The following DOCK3 variants were observed in gnomAD, a reference collection of about 807,000 sequenced individuals.
DOCK3 encodes the protein dedicator of cytokinesis protein 3.
DOCK3 carries 60 observed loss-of-function variants against 265.6 expected under a neutral mutation model. The ratio of observed to expected loss-of-function variants is 0.23; its 90% CI spans 0.18 to 0.28. The LOEUF (loss-of-function observed/expected upper bound fraction) is 0.28, where lower values mean the gene tolerates loss of function less well. Ranked by LOEUF, DOCK3 falls within the 10% of genes least tolerant of loss-of-function variation. DOCK3 has a pLI of 1.00. For missense variants in DOCK3, 1,981 were observed against 2,594.3 expected, an observed-to-expected ratio of 0.76 and a Z score of 5.14; for synonymous variants, 881 against 938.0, an observed-to-expected ratio of 0.94 and a Z score of 1.11.
At position 51,315,041 on chromosome 3, in the gene DOCK3, C is replaced by T; in HGVS notation, c.3315C>T (p.Val1105=). 6.2e-7 allele frequency: 1 copy of T among 1,612,810 alleles called. No homozygotes were observed. Among genetic ancestry groups the T allele is most frequent in the Non-Finnish European group, 8.5e-7 (1 of 1,179,238 alleles). ...GTCCTTTTCTGGGTGTGACACTGGT[C>T]CCACAGCCAGAAGTACGGAATATCA... is the stretch of plus-strand genomic sequence containing the variant. ...MIGPFLGVTL[V]PQPEVRNIMI... Residue 1105 remains valine, a synonymous_variant, in exon 32 of 53, where the codon GTC becomes GTT. Transcript: ENST00000266037.
At chr3:50,958,695 G>T (rs896373789) in intron 5 of DOCK3, among the ~76,000 whole-genome samples, 1 of 152,146 alleles carries the variant, frequency 6.6e-6, no homozygotes, top group East Asian at 1.9e-4. Flanking sequence ...TACATTACAA[G>T]GTTGCTCCAC....
At chr3:50,876,867 A>G (rs1446989133) in intron 3 of DOCK3, 1 of 153,200 alleles carries the variant, frequency 6.5e-6, no homozygotes, top group African/African-American at 2.4e-5. Context: ...TGTCCAACTC[A>G]TGGGCCATAT....
chr3:50,714,105 C>T (rs181025902), intron 1 of DOCK3, among the ~76,000 whole-genome samples: 7 of 152,170 alleles, frequency 4.6e-5, no homozygotes, highest in Admixed American at 4.6e-4. Flanking sequence ...TGTGATTCCT[C>T]CTGCCCCAGC....
Position 51,146,615 on chromosome 3 carries a change from G to A in DOCK3, c.813G>A (p.Met271Ile). 6.3e-7 allele frequency: 1 copy of A among 1,591,124 alleles called. No individual in the cohort carries two copies. The highest frequency in any genetic ancestry group is 8.6e-7 in the Non-Finnish European group (1 of 1,168,016). Residue 271 changes from methionine to isoleucine, a missense_variant, in exon 10 of 53, where the codon ATG (methionine) becomes ATA (isoleucine). By Grantham distance (10) the Met-to-Ile change is conservative. This residue lies in a region of DOCK3 where 456 missense variants were observed against 539.0 expected (regional missense o/e 0.85). Coordinates refer to ENST00000266037, the MANE Select transcript of DOCK3 (RefSeq NM_004947.5). ...GPRNPEKIER[M>I]CALFTDLSSK... ...GGAACCCAGAGAAGATAGAACGAAT[G>A]TGTGCCCTTTTTACAGTATGTACGA...
chr3:51,189,982 G>A (rs548159017), intron 12 of DOCK3, among the ~76,000 whole-genome samples: 7 of 152,264 alleles, frequency 4.6e-5, no homozygotes, highest in East Asian at 1.9e-4. Context: ...GGTGATGAGG[G>A]GGAAAAGATA....
intron 2 of DOCK3, among the ~76,000 whole-genome samples, chr3:50,840,834 T>C (rs1252206668): frequency 6.6e-6 from 1 of 152,264 alleles, no homozygotes. Context: ...GGAGCAAGGC[T>C]CATCTCTTTT....
At chr3:51,357,699 GC>G in intron 44 of DOCK3, 58 bp from the exon 45 acceptor site, 1 of 1,574,982 alleles carries the variant, frequency 6.3e-7, no homozygotes, top group Non-Finnish European at 8.7e-7. Flanking sequence ...AGTCTCCTGG[GC>G]CCCACTTAAG....
At chr3:51,265,157 A>C (rs1353520617) in intron 23 of DOCK3, among the ~76,000 whole-genome samples, 1 of 152,254 alleles carries the variant, frequency 6.6e-6, no homozygotes, top group East Asian at 1.9e-4. Context: ...ACCAGGAAGA[A>C]GTTGAACCCC....
At chr3:51,360,428 A>C in intron 46 of DOCK3, 83 bp from the exon 47 acceptor site, 1 of 1,495,340 alleles carries the variant, frequency 6.7e-7, no homozygotes, top group South Asian at 1.3e-5. Flanking sequence ...TACATTTTTG[A>C]TCACCAGTCA....
At chr3:51,356,549 C>G (rs1195639832) in intron 43 of DOCK3, 56 bp downstream of exon 43, 2 of 1,554,870 alleles carry the variant, frequency 1.3e-6, no homozygotes, top group Non-Finnish European at 1.8e-6. Flanking sequence ...AGCCCCAGCT[C>G]TGGGGGCCCT....
At chr3:51,095,898 A>C (rs970699603) in intron 9 of DOCK3, among the ~76,000 whole-genome samples, 2 of 74,140 alleles carry the variant, frequency 2.7e-5, no homozygotes, top group African/African-American at 5.3e-5. Flanking sequence ...ATTGGCCCCC[A>C]TGCTCTCTGG....
At chr3:51,249,750 G>C (rs1409945889) in intron 22 of DOCK3, among the ~76,000 whole-genome samples, 4 of 140,274 alleles carry the variant, frequency 2.9e-5, no homozygotes, top group African/African-American at 8.1e-5. Context: ...CCCTCTGCCC[G>C]GCCACCACCC....
chr3:50,722,022 A>G (rs1223339461), intron 1 of DOCK3, among the ~76,000 whole-genome samples: 1 of 152,196 alleles, frequency 6.6e-6, no homozygotes, highest in African/African-American at 2.4e-5. Context: ...TGCCAAAAGA[A>G]AGAGGACAGG....
chr3:51,301,973 G>A (rs2082383778), intron 27 of DOCK3, among the ~76,000 whole-genome samples: 1 of 152,138 alleles, frequency 6.6e-6, no homozygotes. Context: ...TTCAAATCCT[G>A]TGAATATCCT....
At chr3:50,796,209 T>G (rs565655321) in intron 2 of DOCK3, among the ~76,000 whole-genome samples, 3 of 150,286 alleles carry the variant, frequency 2.0e-5, no homozygotes. Context: ...CCCAGCTAAT[T>G]TTTTTTTGTA....
chr3:51,186,272 C>A (rs924705744), intron 12 of DOCK3, among the ~76,000 whole-genome samples: 1 of 152,124 alleles, frequency 6.6e-6, no homozygotes, highest in Non-Finnish European at 1.5e-5. Context: ...AGACCAGCAG[C>A]CTTTTGCCCC....
At chr3:50,895,867 T>C (rs1327517919) in intron 4 of DOCK3, among the ~76,000 whole-genome samples, 1 of 152,218 alleles carries the variant, frequency 6.6e-6, no homozygotes, top group African/African-American at 2.4e-5. Context: ...TATGGCTGCA[T>C]AGTATTCCGT....
intron 4 of DOCK3, among the ~76,000 whole-genome samples, chr3:50,924,219 C>T (rs1196846536): frequency 6.6e-6 from 1 of 152,176 alleles, no homozygotes. Flanking sequence ...TTGTCTTTTA[C>T]ATTTCTACTT....
intron 3 of DOCK3, among the ~76,000 whole-genome samples, chr3:50,866,653 C>T (rs1198890387): frequency 6.6e-6 from 1 of 152,062 alleles, no homozygotes; most frequent in Admixed American, 6.5e-5. Context: ...CATATGGATA[C>T]TCAGGTTCCC....
Sources: gnomAD v4.1 joint callset for allele counts (sites outside exome capture counted in the v4.1 genomes callset) on GRCh38, gnomAD v4.1.1 for gene constraint, gnomAD v4.1.1 regional missense constraint, MANE v1.5 for transcripts, NCBI Gene and HGNC (gene_info 2026-07-23, HGNC 2026-07-21) for gene names.